Variants in SLC9B2 observed in about 807,000 individuals in gnomAD.
The protein encoded by SLC9B2 is sodium/hydrogen exchanger 9B2.
In SLC9B2, 39 loss-of-function variants were observed where a neutral mutation model predicts 52.2. That is an observed-to-expected ratio of 0.75 (90% CI 0.58 to 0.98). SLC9B2 has a LOEUF of 0.98. Among genes scored for constraint, SLC9B2 ranks in the 50% least tolerant of loss-of-function variants. SLC9B2 has a pLI of 0.00. For synonymous variants in SLC9B2, 214 were observed against 227.0 expected (o/e 0.94, Z 0.51); for missense variants, 626 against 637.5 (o/e 0.98, Z 0.19).
chr4:103,054,860 C>T (rs1744986064), intron 4 of SLC9B2, among the ~76,000 whole-genome samples: 1 of 152,228 alleles, frequency 6.6e-6, no homozygotes, highest in South Asian at 2.1e-4. Flanking sequence ...ACTAGAAATA[C>T]CATTTGACCC....
Position 103,022,872 on chromosome 4 carries a change from A to T in SLC9B2, c.*3498T>A, listed in dbSNP as rs1003471129. 1.3e-5 allele frequency among the ~76,000 whole-genome samples: 2 copies of T among 152,160 alleles called. No individual in the cohort carries two copies. Among genetic ancestry groups the T allele is most frequent in the Non-Finnish European group, 2.9e-5 (2 of 68,024 alleles). On this transcript the variant is annotated 3_prime_UTR_variant, in exon 12 of 12. Transcript: ENST00000394785. ...CATGCTGTGATTAGAGTACCCTTATAAGAAGAGACACCAGAGAGCTTGCTT... is the reference window on the plus strand; with the variant it reads ...CATGCTGTGATTAGAGTACCCTTATTAGAAGAGACACCAGAGAGCTTGCTT...
At chr4:103,059,120 T>C (rs538498185) in intron 3 of SLC9B2, among the ~76,000 whole-genome samples, 3 of 152,198 alleles carry the variant, frequency 2.0e-5, no homozygotes, top group Non-Finnish European at 4.4e-5. Flanking sequence ...AACTGTGCAC[T>C]AAAAATTGAA....
At chr4:103,040,543 G>A (rs1009557028) in intron 9 of SLC9B2, among the ~76,000 whole-genome samples, 2 of 152,172 alleles carry the variant, frequency 1.3e-5, no homozygotes, top group East Asian at 1.9e-4. Context: ...TGAATAGGCT[G>A]TGTATAAAAG....
rs1187149991 is a variant in SLC9B2, at chr4:103,023,192, A to G, written c.*3178T>C. On this transcript the variant is annotated 3_prime_UTR_variant, in exon 12 of 12. Coordinates refer to ENST00000394785, the MANE Select transcript of SLC9B2 (RefSeq NM_178833.7). ...TCTTCCTCTCAGATTTAGTCAGTAA[A>G]TGTTTATTAAATGTCTACTGTGTTC... Among the ~76,000 whole-genome samples the G allele has an allele frequency of 6.6e-6, 1 of 152,224 alleles. No homozygotes were observed. Among genetic ancestry groups the G allele is most frequent in the African/African-American group, 2.4e-5 (1 of 41,458 alleles).
At chr4:103,064,191 A>G (rs1208553526) in intron 3 of SLC9B2, among the ~76,000 whole-genome samples, 1 of 152,184 alleles carries the variant, frequency 6.6e-6, no homozygotes, top group Non-Finnish European at 1.5e-5. Flanking sequence ...AGATTTCTGC[A>G]CTCCCATGTT....
rs573339055 is a variant in SLC9B2, at chr4:103,071,650, T to C, written c.-42-4058A>G. On this transcript the variant is annotated intron_variant, in intron 1 of 11. Transcript: ENST00000394785. ...CCTCAGCCTCCCAAAGTGCTGGGAT[T>C]ACAGGTGTGAGCTACCACACCCGGC... 2.6e-5 allele frequency among the ~76,000 whole-genome samples: 4 copies of C among 152,122 alleles called. No homozygotes were observed. The East Asian group carries it at 7.7e-4, about 29-fold the overall frequency.
At chr4:103,020,021 G>T, downstream of SLC9B2, 4 of 698,326 alleles carry the variant, frequency 5.7e-6, no homozygotes, top group Non-Finnish European at 7.1e-6. Context: ...AAGTGCAATG[G>T]TAGAAGAGCA....
Position 103,068,782 on chromosome 4 carries a change from A to C in SLC9B2, c.-42-1190T>G, listed in dbSNP as rs543745097. 1.2e-4 allele frequency among the ~76,000 whole-genome samples: 19 copies of C among 152,354 alleles called. 1 individual carries two copies. The highest frequency in any genetic ancestry group is 3.8e-4 in the African/African-American group (16 of 41,594). On this transcript the variant is annotated intron_variant, in intron 1 of 11. Coordinates refer to ENST00000394785, the MANE Select transcript of SLC9B2 (RefSeq NM_178833.7). ...ATCAAAGAGAAAATTATGTAAGAGA[A>C]GGGAAAATCTAATTCAACACATATC...
intron 3 of SLC9B2, among the ~76,000 whole-genome samples, chr4:103,059,541 T>C (rs1262822208): frequency 6.6e-6 from 1 of 152,240 alleles, no homozygotes; most frequent in African/African-American, 2.4e-5. Context: ...CAGCTACTAA[T>C]TGCATGAAAA....
intron 1 of SLC9B2, among the ~76,000 whole-genome samples, chr4:103,072,051 T>A (rs1268933932): frequency 6.4e-5 from 9 of 141,690 alleles, no homozygotes; most frequent in Admixed American, 1.5e-4. Context: ...AAGTTTGGCT[T>A]TCATGTTTTT....
intron 7 of SLC9B2, among the ~76,000 whole-genome samples, chr4:103,046,444 A>C: frequency 6.6e-6 from 1 of 152,064 alleles, no homozygotes; most frequent in East Asian, 1.9e-4. Context: ...AAAATAACTT[A>C]AGTTCCTCTT....
In SLC9B2 at chr4:103,024,733, G is replaced by A. The variant is rs1742058751; in HGVS notation, c.*1637C>T. 6.6e-6 allele frequency among the ~76,000 whole-genome samples: 1 copy of A among 152,140 alleles called. No individual in the cohort carries two copies. The highest frequency in any genetic ancestry group is 2.1e-4 in the South Asian group (1 of 4,822). On this transcript the variant is annotated 3_prime_UTR_variant, in exon 12 of 12. Transcript: ENST00000394785. ...AACACTTCAGGTACACAGATAACAT[G>A]ATAAAAACTGTAAACTGTATGTGAA...
intron 9 of SLC9B2, among the ~76,000 whole-genome samples, chr4:103,034,788 T>A (rs1490877946): frequency 2.0e-5 from 3 of 152,062 alleles, no homozygotes; most frequent in Non-Finnish European, 4.4e-5. Flanking sequence ...TATTATTATT[T>A]TTTTTAATAT....
intron 3 of SLC9B2, among the ~76,000 whole-genome samples, chr4:103,061,206 A>T (rs183876499): frequency 2.2e-3 from 332 of 152,326 alleles, no homozygotes; most frequent in African/African-American, 7.5e-3. Flanking sequence ...AGACACATGC[A>T]CACGTACGTT....
chr4:103,032,793 C>T (rs1742816687), intron 9 of SLC9B2, among the ~76,000 whole-genome samples: 1 of 152,102 alleles, frequency 6.6e-6, no homozygotes, highest in African/African-American at 2.4e-5. Flanking sequence ...GGATGGATCT[C>T]CTGCAAATTG....
At chr4:103,047,275 T>C in intron 6 of SLC9B2, 49 bp from the exon 7 acceptor site, 2 of 1,475,306 alleles carry the variant, frequency 1.4e-6, no homozygotes, top group Non-Finnish European at 1.8e-6. Context: ...TACTTATTAC[T>C]ATTTTGAAAT....
intron 3 of SLC9B2, among the ~76,000 whole-genome samples, chr4:103,059,097 TTG>T (rs1334471820): frequency 1.3e-5 from 2 of 152,108 alleles, no homozygotes; most frequent in African/African-American, 2.4e-5. Context: ...ATTTGAAAAC[TTG>T]TGTTTTACAA....
chr4:103,058,029 C>A lies in SLC9B2; in HGVS notation c.272-58G>T, dbSNP rs891786403. 24 of 1,416,284 alleles carry A rather than the reference C, an allele frequency of 1.7e-5. No homozygotes were observed. The South Asian group carries it at 3.0e-4, about 18-fold the overall frequency. The allele number at this position is 1,416,284 out of a possible 1,614,324, so 87.7% of individuals were successfully genotyped here. ...ATAAGTTGTCACATGGAGGTTTTGA[C>A]AAAATCTAAAATAATTTGTAAAAAT... On this transcript the variant is annotated intron_variant, in intron 3 of 11. Coordinates refer to ENST00000394785, the MANE Select transcript of SLC9B2 (RefSeq NM_178833.7).
At chr4:103,028,332 A>G (rs1036325292) in intron 11 of SLC9B2, among the ~76,000 whole-genome samples, 1 of 152,136 alleles carries the variant, frequency 6.6e-6, no homozygotes, top group African/African-American at 2.4e-5. Flanking sequence ...CTGATCATCA[A>G]TCATATTAAC....
Sources: allele counts gnomAD v4.1 joint callset (sites outside exome capture counted in the v4.1 genomes callset), GRCh38; gene constraint gnomAD v4.1.1; transcripts MANE v1.5; gene names NCBI Gene and HGNC (gene_info 2026-07-23, HGNC 2026-07-21).